PXT1: variants seen among roughly 807,000 people sequenced by gnomAD.
PXT1 encodes the protein peroxisomal testis enriched protein 1.
In PXT1, 11 loss-of-function variants were observed where a neutral mutation model predicts 11.0. The observed-to-expected ratio is 1.00, with a 90% CI of 0.63 to 1.66. The LOEUF is 1.66. PXT1 is among the 40% of genes most tolerant of loss of function. PXT1 has a pLI of 0.00. For missense variants in PXT1, 141 were observed against 155.5 expected, an observed-to-expected ratio of 0.91 and a Z score of 0.49; for synonymous variants, 43 against 51.4, an observed-to-expected ratio of 0.84 and a Z score of 0.70.
chr6:36,429,454 C>CATT (rs1339537355), intron 2 of PXT1, among the ~76,000 whole-genome samples: 1 of 144,322 alleles, frequency 6.9e-6, no homozygotes, highest in East Asian at 2.1e-4. Context: ...GGTATCTTGT[C>CATT]ATTATTATTA....
chr6:36,432,235 T>C (rs1291084383), intron 2 of PXT1, among the ~76,000 whole-genome samples: 1 of 151,882 alleles, frequency 6.6e-6, no homozygotes, highest in Admixed American at 6.6e-5. Flanking sequence ...GGAGGGAGGA[T>C]GAGCGAGGGA....
intron 3 of PXT1, among the ~76,000 whole-genome samples, chr6:36,410,032 G>A: frequency 6.6e-6 from 1 of 151,484 alleles, no homozygotes; most frequent in East Asian, 1.9e-4. Flanking sequence ...GGAAGGAAGG[G>A]AGGGTGGCTG....
intron 3 of PXT1, among the ~76,000 whole-genome samples, chr6:36,416,595 A>T (rs1475304560): frequency 2.0e-5 from 3 of 152,228 alleles, no homozygotes; most frequent in Non-Finnish European, 4.4e-5. Flanking sequence ...GTAAGCCTCA[A>T]CTTCTCTGTG....
chr6:36,429,591 C>T (rs615402), intron 2 of PXT1, among the ~76,000 whole-genome samples: 3,339 of 147,934 alleles, frequency 0.023, 125 homozygotes, highest in African/African-American at 0.078. Flanking sequence ...CTGCAACCTC[C>T]GCCTCCCAGG....
intron 2 of PXT1, among the ~76,000 whole-genome samples, chr6:36,429,096 G>A (rs1325560724): frequency 4.0e-5 from 6 of 150,238 alleles, no homozygotes; most frequent in African/African-American, 1.5e-4. Flanking sequence ...GTGAAATCTG[G>A]TCTCTACAAA....
chr6:36,436,054 G>C (rs1482907438), intron 2 of PXT1, among the ~76,000 whole-genome samples: 1 of 139,008 alleles, frequency 7.2e-6, no homozygotes, highest in East Asian at 2.3e-4. Flanking sequence ...ACAATGATTG[G>C]TTTTTAAATG....
intron 3 of PXT1, among the ~76,000 whole-genome samples, chr6:36,420,922 G>A (rs534566983): frequency 3.3e-5 from 5 of 152,134 alleles, no homozygotes; most frequent in Admixed American, 1.3e-4. Context: ...GGGCATGGTG[G>A]TGTGCGCCTG....
intron 2 of PXT1, among the ~76,000 whole-genome samples, chr6:36,438,528 A>T (rs1774804942): frequency 6.6e-6 from 1 of 152,084 alleles, no homozygotes; most frequent in Non-Finnish European, 1.5e-5. Flanking sequence ...GGTTCACGCC[A>T]TTCTCCCGCC....
At chr6:36,395,846 C>CA (rs1368484349) in intron 4 of PXT1, among the ~76,000 whole-genome samples, 3 of 151,682 alleles carry the variant, frequency 2.0e-5, no homozygotes, top group African/African-American at 4.8e-5. Context: ...CAAAAAAATA[C>CA]AAAAAAATTA....
intron 3 of PXT1, among the ~76,000 whole-genome samples, chr6:36,409,328 G>A (rs1228558262): frequency 6.6e-6 from 1 of 152,178 alleles, no homozygotes; most frequent in Non-Finnish European, 1.5e-5. Context: ...GAGACAAGAT[G>A]CAAATAAACA....
rs1480790622 is a variant in PXT1 at position 36,442,561 on chromosome 6, A to AACAC, written c.-157_-156insGTGT. On this transcript the variant is annotated 5_prime_UTR_variant, in exon 1 of 5. In the 5' UTR this introduces an upstream ATG that the reference lacks. Transcript: ENST00000454782. ...TTCATGAAACTCAGTATTTGAGAAA[A>AACAC]ATGTGGAGTTTTTCCCCCTTTCTTT... is the stretch of plus-strand genomic sequence containing the variant. The AACAC allele has an allele frequency of 1.3e-5, 2 of 152,178 alleles. No homozygotes were observed. Among genetic ancestry groups the AACAC allele is most frequent in the Admixed American group, 1.3e-4 (2 of 15,280 alleles). The allele number at this position is 152,178 out of a possible 1,614,324, so 9.4% of individuals were successfully genotyped here.
intron 3 of PXT1, among the ~76,000 whole-genome samples, chr6:36,412,458 G>A (rs1386280796): frequency 1.4e-5 from 2 of 147,592 alleles, no homozygotes; most frequent in Admixed American, 6.8e-5. Context: ...TCAAGAAATC[G>A]AGACCATCCT....
rs925557823 is a variant in PXT1 at position 36,441,610 on chromosome 6, A to G, written c.-130+925T>C. ...ACTGACGCAAGCAGCAGGGAAGCTGAGTCACCATGGGGACGTGAGACTGAC... is the reference window on the plus strand; with the variant it reads ...ACTGACGCAAGCAGCAGGGAAGCTGGGTCACCATGGGGACGTGAGACTGAC... On this transcript the variant is annotated intron_variant, in intron 1 of 4. Coordinates refer to ENST00000454782, the MANE Select transcript of PXT1 (RefSeq NM_152990.4). Among the ~76,000 whole-genome samples the G allele has an allele frequency of 2.0e-5, 3 of 152,150 alleles. No individual in the cohort carries two copies. The South Asian group carries it at 6.2e-4, about 32-fold the overall frequency.
intron 2 of PXT1, among the ~76,000 whole-genome samples, chr6:36,433,691 G>A (rs773083045): frequency 3.8e-4 from 57 of 151,824 alleles, no homozygotes; most frequent in South Asian, 4.2e-4. Context: ...CAGGCGTGGT[G>A]GCAGGCACCT....
intron 3 of PXT1, among the ~76,000 whole-genome samples, chr6:36,409,654 C>T (rs367562096): frequency 2.6e-5 from 4 of 151,516 alleles, no homozygotes; most frequent in African/African-American, 9.7e-5. Context: ...GACGAAACCG[C>T]GTCTCTAGAA....
chr6:36,419,334 C>G (rs1487706071), intron 3 of PXT1, among the ~76,000 whole-genome samples: 1 of 152,018 alleles, frequency 6.6e-6, no homozygotes, highest in Non-Finnish European at 1.5e-5. Flanking sequence ...AAATACAAAC[C>G]CTAATATCTG....
At chr6:36,428,409 C>T (rs1424070566) in intron 2 of PXT1, among the ~76,000 whole-genome samples, 2 of 55,428 alleles carry the variant, frequency 3.6e-5, no homozygotes, top group African/African-American at 1.4e-4. Context: ...CGCGACAGAG[C>T]GAGACTGAAA....
intron 4 of PXT1, among the ~76,000 whole-genome samples, chr6:36,400,061 G>A (rs1183494532): frequency 6.6e-6 from 1 of 152,220 alleles, no homozygotes; most frequent in African/African-American, 2.4e-5. Flanking sequence ...AACTCAACAG[G>A]TGATTCTAAT....
intron 4 of PXT1, among the ~76,000 whole-genome samples, chr6:36,395,296 G>C (rs1176485856): frequency 1.3e-5 from 2 of 152,084 alleles, no homozygotes; most frequent in Non-Finnish European, 2.9e-5. Flanking sequence ...AAGAATAAAA[G>C]TTTCTTTAAA....
Sources: gnomAD v4.1 joint callset for allele counts (sites outside exome capture counted in the v4.1 genomes callset) on GRCh38, gnomAD v4.1.1 for gene constraint, MANE v1.5 for transcripts, NCBI Gene and HGNC (gene_info 2026-07-23, HGNC 2026-07-21) for gene names.